The following CUX1 variants were observed in gnomAD, a reference collection of about 807,000 sequenced individuals.
CUX1 encodes the protein protein CASP.
In CUX1, 31 loss-of-function variants were observed where a neutral mutation model predicts 158.8. The observed-to-expected ratio is 0.20, with a 90% CI of 0.15 to 0.26. The LOEUF (loss-of-function observed/expected upper bound fraction) is 0.26, where lower values mean the gene tolerates loss of function less well. Among genes scored for constraint, CUX1 ranks in the 10% least tolerant of loss-of-function variants. The probability of loss-of-function intolerance (pLI) is 1.00; values close to 1 mark genes in which losing one functional copy is unlikely to be tolerated. For missense variants in CUX1, 1,589 were observed against 2,014.6 expected, an observed-to-expected ratio of 0.79 and a Z score of 4.04; for synonymous variants, 879 against 862.1, an observed-to-expected ratio of 1.02 and a Z score of -0.34.
At chr7:102,193,270 T>C (rs1404396950) in intron 12 of CUX1, among the ~76,000 whole-genome samples, 1 of 152,228 alleles carries the variant, frequency 6.6e-6, no homozygotes, top group African/African-American at 2.4e-5. Context: ...CTTGCAACAA[T>C]GTTATGTCTG....
rs567827673 is a variant in CUX1 at position 101,968,147 on chromosome 7, T to G, written c.141+51922T>G. On this transcript the variant is annotated intron_variant, in intron 2 of 23. Transcript: ENST00000292535. ...CTCCAATTCCGAGGCTCAAGTGATA[T>G]TCCCACCTTGGCCTCCCAAAATGCC... Among the ~76,000 whole-genome samples the G allele has an allele frequency of 2.6e-5, 4 of 151,968 alleles. No individual in the cohort carries two copies. In the South Asian group the frequency reaches 6.3e-4, roughly 24 times the overall value.
At chr7:101,850,865 G>A (rs1015876250) in intron 1 of CUX1, among the ~76,000 whole-genome samples, 4 of 152,128 alleles carry the variant, frequency 2.6e-5, no homozygotes, top group Non-Finnish European at 5.9e-5. Flanking sequence ...TTGGAAGGCC[G>A]AGACAAAAGG....
intron 1 of CUX1, among the ~76,000 whole-genome samples, chr7:101,821,681 T>TTTTTTTTTC (rs1792597085): frequency 3.7e-5 from 4 of 108,502 alleles, no homozygotes; most frequent in African/African-American, 1.5e-4. Context: ...CTTTTTTTTT[T>TTTTTTTTTC]TTTTTTTTTT....
chr7:101,837,186 A>G (rs549704569), intron 1 of CUX1, among the ~76,000 whole-genome samples: 1 of 152,248 alleles, frequency 6.6e-6, no homozygotes, highest in African/African-American at 2.4e-5. Flanking sequence ...AGGAGGACAT[A>G]TGTCCTCTAA....
intron 22 of CUX1, 89 bp from the exon 23 acceptor site, chr7:102,239,231 G>A (rs1308942194): frequency 1.0e-5 from 15 of 1,442,308 alleles, no homozygotes; most frequent in African/African-American, 7.1e-5. Context: ...CCTGCAAGCC[G>A]GCACTGTGCC....
At chr7:101,816,938 G>C, upstream of CUX1, 1 of 982,402 alleles carries the variant, frequency 1.0e-6, no homozygotes, top group Non-Finnish European at 1.2e-6. Flanking sequence ...GTTTGTTTAC[G>C]TCCCGGGGAG....
intron 16 of CUX1, 68 bp from the exon 17 acceptor site, chr7:102,200,003 T>A (rs1795244628): frequency 1.5e-6 from 2 of 1,364,020 alleles, no homozygotes; most frequent in Admixed American, 4.1e-5. Flanking sequence ...CAGAATGACG[T>A]CTTCGCGCAG....
intron 23 of CUX1, among the ~76,000 whole-genome samples, chr7:102,244,330 C>CA (rs11394338): frequency 0.9 from 134,661 of 150,192 alleles, 60,691 homozygotes; most frequent in East Asian, 0.98. Flanking sequence ...TTTGCCCCCT[C>CA]AAAAAAAAAA....
In CUX1 at chr7:102,102,312, T is replaced by C. The variant is rs981149482; in HGVS notation, c.407-2024T>C. On this transcript the variant is annotated intron_variant, in intron 5 of 23. Transcript: ENST00000292535. ...TGTGGTGCGCGCCTGTAATCTCAGC[T>C]ACTCGGGAGGCTGAGGCAGGAGAAT... 2.0e-5 allele frequency among the ~76,000 whole-genome samples: 3 copies of C among 149,960 alleles called. No homozygotes were observed. The East Asian group carries it at 5.9e-4, about 30-fold the overall frequency.
chr7:102,200,123 C>G lies in CUX1; in HGVS notation c.2013C>G (p.Ile671Met), dbSNP rs369782160. ...RASETGSDEA[I>M]KSILEQAKRE... ...CGGAGACTGGCTCTGATGAAGCCAT[C>G]AAGTCCATCCTAGAGCAAGCCAAGA... Residue 671 changes from isoleucine (I) to methionine (M), a missense_variant, in exon 17 of 24, where the codon ATC becomes ATG. Transcript: ENST00000292535. 3.1e-6 allele frequency: 5 copies of G among 1,613,728 alleles called. No individual in the cohort carries two copies. The highest frequency in any genetic ancestry group is 4.2e-6 in the Non-Finnish European group (5 of 1,179,828).
At chr7:102,260,388 C>CTCCCCATGTG (rs1554543542), downstream of CUX1, among the ~76,000 whole-genome samples, 9 of 134,764 alleles carry the variant, frequency 6.7e-5, no homozygotes, top group African/African-American at 1.1e-4. Context: ...CGCGCCCGGC[C>CTCCCCATGTG]CCTTATTTGT....
At chr7:101,838,014 T>C (rs1794820712) in intron 1 of CUX1, among the ~76,000 whole-genome samples, 1 of 152,082 alleles carries the variant, frequency 6.6e-6, no homozygotes, top group Admixed American at 6.6e-5. Flanking sequence ...ATTATGCCTT[T>C]ATATGGATGC....
chr7:102,191,214 G>A (rs782716872), intron 12 of CUX1, among the ~76,000 whole-genome samples: 1 of 152,132 alleles, frequency 6.6e-6, no homozygotes, highest in Non-Finnish European at 1.5e-5. Flanking sequence ...TCCAGCCTCT[G>A]TAACTTACTT....
chr7:102,233,794 T>A (rs1369596562), intron 21 of CUX1, among the ~76,000 whole-genome samples: 4 of 151,826 alleles, frequency 2.6e-5, no homozygotes, highest in Admixed American at 2.0e-4. Context: ...CTCAAAAAAA[T>A]AATAATAATA....
rs560387975 is a variant in CUX1 at position 102,251,676 on chromosome 7, CAGTG to C, written c.*2639_*2642del. ...GAGTTCACATCGGTGACCCTTAGGA[CAGTG>C]AGTGGCAGAGCCCTGACGACTGTGG... On this transcript the variant is annotated 3_prime_UTR_variant, in exon 24 of 24. Transcript: ENST00000292535. 1.2e-3 allele frequency: 1,209 copies of C among 985,384 alleles called. 1 individual carries two copies. The highest frequency in any genetic ancestry group is 6.9e-3 in the South Asian group (147 of 21,286). 61.0% of individuals were successfully genotyped at this position (985,384 alleles called of 1,614,324 possible).
chr7:101,939,333 C>T lies in CUX1; in HGVS notation c.141+23108C>T, dbSNP rs565300657. ...TTCAACAGTGTGGCCGCTGTCAGTGCCAAGTAGTATTCCATTGTATGGATG... is the reference window on the plus strand; with the variant it reads ...TTCAACAGTGTGGCCGCTGTCAGTGTCAAGTAGTATTCCATTGTATGGATG... On this transcript the variant is annotated intron_variant, in intron 2 of 23. Transcript: ENST00000292535. Among the ~76,000 whole-genome samples the T allele has an allele frequency of 1.4e-4, 21 of 151,974 alleles. No individual in the cohort carries two copies. In the South Asian group the frequency reaches 4.2e-3, roughly 30 times the overall value.
intron 21 of CUX1, among the ~76,000 whole-genome samples, chr7:102,282,522 G>A (rs868995565): frequency 2.6e-5 from 4 of 152,144 alleles, no homozygotes; most frequent in African/African-American, 9.7e-5. Context: ...ATTAGAGGAG[G>A]TGCCTCCGTG....
intron 10 of CUX1, among the ~76,000 whole-genome samples, chr7:102,170,882 G>A (rs1050108605): frequency 1.3e-5 from 2 of 149,234 alleles, no homozygotes; most frequent in African/African-American, 2.5e-5. Flanking sequence ...GTGCAGACCC[G>A]AACCAGGAGC....
intron 1 of CUX1, among the ~76,000 whole-genome samples, chr7:101,830,772 C>G (rs542213110): frequency 1.1e-4 from 16 of 152,206 alleles, no homozygotes; most frequent in African/African-American, 3.4e-4. Flanking sequence ...ATAACTCTTG[C>G]CTGCCTGATT....
Sources: allele counts gnomAD v4.1 joint callset (sites outside exome capture counted in the v4.1 genomes callset), GRCh38; gene constraint gnomAD v4.1.1; transcripts MANE v1.5; gene names NCBI Gene and HGNC (gene_info 2026-07-23, HGNC 2026-07-21).